Variants in CD36 observed in about 807,000 individuals in gnomAD.
CD36 encodes CD36 molecule (CD36 blood group), also known as platelet glycoprotein 4.
A neutral mutation model predicts 55.2 loss-of-function variants in CD36; 119 were observed. The ratio of observed to expected loss-of-function variants is 2.15; its 90% confidence interval spans 1.86 to 2.51. The LOEUF (loss-of-function observed/expected upper bound fraction) is 2.51, where lower values mean the gene tolerates loss of function less well. CD36 is among the 30% of genes most tolerant of loss of function. The probability of loss-of-function intolerance (pLI) is 0.00; values close to 1 mark genes in which losing one functional copy is unlikely to be tolerated. For synonymous variants in CD36, 186 were observed against 193.6 expected (o/e 0.96, Z 0.33); for missense variants, 819 against 555.5 (o/e 1.47, Z -4.77).
intron 1 of CD36, among the ~76,000 whole-genome samples, chr7:80,631,730 A>G (rs947828324): frequency 2.0e-5 from 3 of 151,768 alleles, no homozygotes; most frequent in African/African-American, 7.2e-5. Flanking sequence ...TCTAGAATAT[A>G]CTCATGTAAA....
intron 1 of CD36, chr7:80,623,781 A>T (rs1793602273): frequency 6.6e-6 from 1 of 152,240 alleles, no homozygotes; most frequent in South Asian, 2.1e-4. Flanking sequence ...TCTAACAAAG[A>T]CAAAGGATGG....
At chr7:80,651,712 A>T (rs1200840483) in intron 3 of CD36, among the ~76,000 whole-genome samples, 1 of 152,138 alleles carries the variant, frequency 6.6e-6, no homozygotes, top group African/African-American at 2.4e-5. Flanking sequence ...GTTTGAGACC[A>T]GCCTGGGCAA....
intron 1 of CD36, among the ~76,000 whole-genome samples, chr7:80,613,936 T>C (rs1464792): frequency 0.34 from 51,144 of 152,044 alleles, 8,845 homozygotes; most frequent in South Asian, 0.47. Context: ...TTTGGGTGTC[T>C]ATATTTTGTA....
chr7:80,615,307 A>T (rs988174504), intron 1 of CD36, among the ~76,000 whole-genome samples: 20 of 152,156 alleles, frequency 1.3e-4, no homozygotes, highest in Non-Finnish European at 4.4e-5. Flanking sequence ...TAATTGTTCT[A>T]TTCTGCTTAC....
At chr7:80,660,891 C>T (rs532074816) in intron 4 of CD36, among the ~76,000 whole-genome samples, 172 bp from the exon 5 acceptor site, 5 of 152,276 alleles carry the variant, frequency 3.3e-5, no homozygotes, top group East Asian at 1.9e-4. Flanking sequence ...GACCCCTTCT[C>T]GTTAGTTTGC....
intron 12 of CD36, 30 bp downstream of exon 12, chr7:80,672,873 A>T: frequency 1.4e-6 from 2 of 1,430,430 alleles, no homozygotes; most frequent in Non-Finnish European, 2.0e-6. Context: ...TTATTTTGAT[A>T]TGATCTGTAG....
In CD36 at chr7:80,671,853, TA is replaced by T. The variant is rs1797701412; in HGVS notation, c.1007-68del. 3 of 1,424,574 alleles carry T rather than the reference TA, an allele frequency of 2.1e-6. No homozygotes were observed. In the Admixed American group the frequency reaches 5.1e-5, roughly 24 times the overall value. 88.2% of individuals were successfully genotyped at this position (1,424,574 alleles called of 1,614,324 possible). Reference sequence around the variant, plus strand: ...GCAAGAAGCTTTAGTTTTGTGGAAATATTTTTTGAGTTATATGTGAAATGAA... The same window carrying T: ...GCAAGAAGCTTTAGTTTTGTGGAAATTTTTTTGAGTTATATGTGAAATGAA... On this transcript the variant is annotated intron_variant, in intron 10 of 14. Coordinates refer to ENST00000447544, the MANE Select transcript of CD36 (RefSeq NM_001001548.3).
chr7:80,674,413 G>C, intron 14 of CD36: 1 of 389,546 alleles, frequency 2.6e-6, no homozygotes, highest in Non-Finnish European at 4.7e-6. Context: ...TGCCAAAGTT[G>C]TCCAAAATTG....
intron 1 of CD36, among the ~76,000 whole-genome samples, chr7:80,613,334 GGC>G (rs1300857350): frequency 6.6e-6 from 1 of 151,896 alleles, no homozygotes; most frequent in Non-Finnish European, 1.5e-5. Flanking sequence ...ATATGATAAA[GGC>G]AATACAAGAG....
At chr7:80,675,340 CAAAA>C (rs1170926099) in intron 14 of CD36, among the ~76,000 whole-genome samples, 1 of 151,792 alleles carries the variant, frequency 6.6e-6, no homozygotes, top group Admixed American at 6.6e-5. Context: ...AACAAAATAA[CAAAA>C]AAACTTGTCC....
chr7:80,628,734 G>A (rs1554334219), intron 1 of CD36, among the ~76,000 whole-genome samples: 1 of 151,982 alleles, frequency 6.6e-6, no homozygotes, highest in Non-Finnish European at 1.5e-5. Flanking sequence ...TCTACCCACG[G>A]TAGTCAGAGC....
At chr7:80,660,316 G>C (rs1466620020) in intron 4 of CD36, among the ~76,000 whole-genome samples, 1 of 152,102 alleles carries the variant, frequency 6.6e-6, no homozygotes, top group Non-Finnish European at 1.5e-5. Flanking sequence ...TACTTGAGGG[G>C]CTGGGGAAGT....
rs1446274432 is a variant in CD36, at chr7:80,603,177, CT to C, written c.-184+800del. On this transcript the variant is annotated intron_variant, in intron 1 of 13. Transcript: ENST00000309881. ...ACCGCCAGGAATGACAGAGTCGTTA[CT>C]TATACAGAAAGTCAACTTAAGTTAT... Among the ~76,000 whole-genome samples the C allele has an allele frequency of 1.8e-4, 27 of 152,082 alleles. 1 individual carries two copies. The East Asian group carries it at 5.2e-3, about 29-fold the overall frequency.
At chr7:80,672,691 G>T in intron 11 of CD36, 79 bp from the exon 12 acceptor site, 1 of 956,788 alleles carries the variant, frequency 1.0e-6, no homozygotes, top group Non-Finnish European at 1.6e-6. Context: ...CTTCTCTTCT[G>T]CTGTAAGAAA....
Position 80,678,904 on chromosome 7 carries a change from T to C in CD36, c.*2521T>C, listed in dbSNP as rs1798246563. 2.0e-5 allele frequency: 3 copies of C among 152,078 alleles called. No individual in the cohort carries two copies. Among genetic ancestry groups the C allele is most frequent in the African/African-American group, 7.2e-5 (3 of 41,414 alleles). The allele number at this position is 152,078 out of a possible 1,614,324, so 9.4% of individuals were successfully genotyped here. A position where few individuals can be genotyped will look rare whatever the true frequency, so the allele number is the denominator to read the frequency against. On this transcript the variant is annotated 3_prime_UTR_variant, in exon 15 of 15. Coordinates refer to ENST00000447544, the MANE Select transcript of CD36 (RefSeq NM_001001548.3). ...ACCTGTTATCAATGTCTGAGCTACA[T>C]AATTATCTTTCTAGTTGGAGTTTGT...
chr7:80,623,715 T>C (rs1793598561), intron 1 of CD36, among the ~76,000 whole-genome samples: 1 of 152,310 alleles, frequency 6.6e-6, no homozygotes, highest in South Asian at 2.1e-4. Context: ...GCTTTGTTTC[T>C]TCTCCCAGAC....
chr7:80,612,335 T>A (rs775698058), intron 1 of CD36, among the ~76,000 whole-genome samples: 3 of 152,136 alleles, frequency 2.0e-5, no homozygotes, highest in African/African-American at 2.4e-5. Context: ...TGTGCACAAA[T>A]TGTTTGGGGG....
At chr7:80,673,307 A>ACG (rs763376411) in intron 12 of CD36, 48 bp from the exon 13 acceptor site, 40 of 852,986 alleles carry the variant, frequency 4.7e-5, no homozygotes, top group Middle Eastern at 6.8e-4. Context: ...TTTGTTATAT[A>ACG]TAAATATTAG....
At chr7:80,658,437 CTCA>C (rs1163305644) in intron 4 of CD36, among the ~76,000 whole-genome samples, 2 of 151,980 alleles carry the variant, frequency 1.3e-5, no homozygotes, top group Middle Eastern at 6.3e-3. Flanking sequence ...AATTTGAGAA[CTCA>C]TCATGATTTT....
Sources: allele counts gnomAD v4.1 joint callset (sites outside exome capture counted in the v4.1 genomes callset), GRCh38; gene constraint gnomAD v4.1.1; transcripts MANE v1.5; gene names NCBI Gene and HGNC (gene_info 2026-07-23, HGNC 2026-07-21).